The following LY96 variants were observed in gnomAD, a reference collection of about 807,000 sequenced individuals.
The protein encoded by LY96 is myeloid differentiation protein-2.
A neutral mutation model predicts 18.9 loss-of-function variants in LY96; 18 were observed. That is an observed-to-expected ratio of 0.95 (90% CI 0.66 to 1.41). The LOEUF (loss-of-function observed/expected upper bound fraction) is 1.41, where lower values mean the gene tolerates loss of function less well. LY96 is among the 40% of genes most tolerant of loss of function. The pLI, the probability that LY96 is intolerant of heterozygous loss-of-function variation, is 0.00. For synonymous variants in LY96, 66 were observed against 62.6 expected, an observed-to-expected ratio of 1.06 and a Z score of -0.26; for missense variants, 175 against 182.4, an observed-to-expected ratio of 0.96 and a Z score of 0.23.
At chr8:74,088,083 A>AAGAAAAGAATAGAATAGAATAGAAT in the LY96 span, among the ~76,000 whole-genome samples, 1 of 120,324 alleles carries the variant, frequency 8.3e-6, no homozygotes, top group Non-Finnish European at 1.7e-5. Flanking sequence ...TCACTGAGAG[A>AAGAAAAGAATAGAATAGAATAGAAT]AGAATAGAAT....
At chr8:74,025,654 C>CAAAAAAAA (rs574843103) in intron 3 of LY96, among the ~76,000 whole-genome samples, 3 of 68,782 alleles carry the variant, frequency 4.4e-5, no homozygotes, top group Non-Finnish European at 6.3e-5. Context: ...AACTCCGTCT[C>CAAAAAAAA]AAAAAAAAAA....
the LY96 span, among the ~76,000 whole-genome samples, chr8:74,081,467 C>T: frequency 6.6e-6 from 1 of 151,468 alleles, no homozygotes; most frequent in Non-Finnish European, 1.5e-5. Context: ...CCTGTGTTGC[C>T]CAACTGGTCT....
chr8:74,095,740 A>G, the LY96 span, among the ~76,000 whole-genome samples: 1 of 152,198 alleles, frequency 6.6e-6, no homozygotes, highest in South Asian at 2.1e-4. Context: ...TTTCATTGAC[A>G]CATCCAGGGC....
chr8:74,088,688 C>T, the LY96 span, among the ~76,000 whole-genome samples: 54 of 152,240 alleles, frequency 3.5e-4, no homozygotes, highest in South Asian at 1.9e-3. Flanking sequence ...TGGGTTCAAG[C>T]GATTCTTGTG....
chr8:74,085,124 C>T, the LY96 span, among the ~76,000 whole-genome samples: 34 of 152,166 alleles, frequency 2.2e-4, no homozygotes, highest in African/African-American at 7.5e-4. Flanking sequence ...ATGCCAGCTG[C>T]GGCAGTAAAT....
Position 73,992,720 on chromosome 8 carries a change from C to T in LY96, c.112+1166C>T, listed in dbSNP as rs1816030640. On this transcript the variant is annotated intron_variant, in intron 1 of 4. Transcript: ENST00000284818. The stretch of plus-strand genomic sequence containing the variant: ...TTCCCTCCAAACGTATGTCTAAAAT[C>T]TCTCCATGCTGCAAGATCCTTTTGC... Among the ~76,000 whole-genome samples, 3 of 152,262 alleles carry T rather than the reference C, an allele frequency of 2.0e-5. No individual in the cohort carries two copies. In the South Asian group the frequency reaches 6.2e-4, roughly 32 times the overall value.
chr8:74,004,883 CA>C lies in LY96; in HGVS notation c.202del (p.Arg68GlyfsTer4). Reference protein sequence around the residue: ...SKGLLHIFYIPRRDLKQLYFN... With the variant: ...SKGLLHIFYIXRRDLKQLYFN... ...GGATTATTGCACATTTTCTACATTC[CA>C]AGTAAGTTCAAATTTTTGCTTTTAT... On this transcript the variant is annotated frameshift_variant and splice_region_variant, in exon 2 of 5. Transcript: ENST00000284818. LOFTEE classifies it high-confidence loss of function. 6.3e-7 allele frequency: 1 copy of C among 1,590,058 alleles called. No homozygotes were observed. Among genetic ancestry groups the C allele is most frequent in the East Asian group, 2.3e-5 (1 of 44,270 alleles).
At chr8:74,088,052 G>A in the LY96 span, among the ~76,000 whole-genome samples, 6 of 145,774 alleles carry the variant, frequency 4.1e-5, no homozygotes, top group Non-Finnish European at 9.0e-5. Context: ...CCAAAGCATT[G>A]TACCCGTACT....
chr8:74,030,708 A>G (rs1465721226), downstream of LY96, among the ~76,000 whole-genome samples: 1 of 151,830 alleles, frequency 6.6e-6, no homozygotes, highest in East Asian at 1.9e-4. Context: ...TAGCAGCTTC[A>G]TATTGGAGGT....
At chr8:74,055,687 C>G in the LY96 span, among the ~76,000 whole-genome samples, 1 of 152,182 alleles carries the variant, frequency 6.6e-6, no homozygotes, top group Non-Finnish European at 1.5e-5. Flanking sequence ...CTAGATCATC[C>G]AGGTGGCACA....
downstream of LY96, chr8:74,029,104 AG>A (rs1816927216): frequency 4.7e-6 from 5 of 1,069,114 alleles, no homozygotes; most frequent in Non-Finnish European, 7.1e-6. Context: ...TCCTGTTTTA[AG>A]GGTACCCAGG....
At chr8:73,996,920 T>A (rs13275353) in intron 1 of LY96, among the ~76,000 whole-genome samples, 114 of 151,766 alleles carry the variant, frequency 7.5e-4, no homozygotes, top group African/African-American at 2.3e-3. Flanking sequence ...AATTTTTGTG[T>A]TTTTAGTAGA....
chr8:74,081,058 T>TC, the LY96 span, among the ~76,000 whole-genome samples: 2,239 of 130,102 alleles, frequency 0.017, 75 homozygotes, highest in African/African-American at 0.051. Context: ...TTTTCTTTCT[T>TC]TCTTTCTTAC....
the LY96 span, among the ~76,000 whole-genome samples, chr8:74,062,255 T>A: frequency 6.6e-6 from 1 of 152,172 alleles, no homozygotes; most frequent in African/African-American, 2.4e-5. Flanking sequence ...TTATTTTTAG[T>A]TCTGGGGTAC....
chr8:74,062,213 C>A, the LY96 span, among the ~76,000 whole-genome samples: 2 of 152,084 alleles, frequency 1.3e-5, no homozygotes, highest in Non-Finnish European at 2.9e-5. Flanking sequence ...TGGCCAGGTA[C>A]TCTTTTAGTA....
chr8:74,074,153 A>G, the LY96 span, among the ~76,000 whole-genome samples: 1 of 151,690 alleles, frequency 6.6e-6, no homozygotes, highest in African/African-American at 2.4e-5. Flanking sequence ...TCCTACCACC[A>G]TGTTCAGCTA....
At chr8:74,012,755 A>G (rs1483917153) in intron 3 of LY96, among the ~76,000 whole-genome samples, 1 of 152,158 alleles carries the variant, frequency 6.6e-6, no homozygotes, top group African/African-American at 2.4e-5. Flanking sequence ...TTTATTGTAA[A>G]TTGATTATAG....
intron 2 of LY96, among the ~76,000 whole-genome samples, chr8:74,009,539 A>G (rs1477886222): frequency 6.6e-6 from 1 of 152,138 alleles, no homozygotes; most frequent in Non-Finnish European, 1.5e-5. Context: ...TCATGAGGAA[A>G]TTAAAAAATA....
intron 2 of LY96, 146 bp downstream of exon 2, chr8:74,005,031 A>G: frequency 2.4e-6 from 2 of 832,554 alleles, no homozygotes; most frequent in Non-Finnish European, 3.8e-6. Context: ...CACAGCACAC[A>G]TTTATTATCT....
Sources: gnomAD v4.1 joint callset for allele counts (sites outside exome capture counted in the v4.1 genomes callset) on GRCh38, gnomAD v4.1.1 for gene constraint, MANE v1.5 for transcripts, NCBI Gene and HGNC (gene_info 2026-07-23, HGNC 2026-07-21) for gene names.